CPPED1: variants seen among roughly 807,000 people sequenced by gnomAD.
CPPED1 encodes the protein serine/threonine-protein phosphatase CPPED1.
A neutral mutation model predicts 28.0 loss-of-function variants in CPPED1; 28 were observed. The observed-to-expected ratio is 1.00, with a 90% confidence interval of 0.74 to 1.37. The LOEUF (loss-of-function observed/expected upper bound fraction) is 1.37. CPPED1 is among the 40% of genes most tolerant of loss of function. The probability of loss-of-function intolerance (pLI) is 0.00; values close to 1 mark genes in which losing one functional copy is unlikely to be tolerated. For synonymous variants in CPPED1, 198 were observed against 180.2 expected (o/e 1.10, Z -0.79); for missense variants, 504 against 416.5 (o/e 1.21, Z -1.83).
intron 2 of CPPED1, among the ~76,000 whole-genome samples, chr16:12,762,216 A>G (rs2080413918): frequency 6.6e-6 from 1 of 152,232 alleles, no homozygotes; most frequent in African/African-American, 2.4e-5. Context: ...TCCACATTAA[A>G]AATACTCTCT....
chr16:12,789,268 A>G (rs186209294), intron 1 of CPPED1, among the ~76,000 whole-genome samples: 1 of 152,286 alleles, frequency 6.6e-6, no homozygotes, highest in Admixed American at 6.5e-5. Flanking sequence ...GGCATCTGCA[A>G]TGACAAACCC....
At chr16:12,752,607 A>G (rs1189443624) in intron 2 of CPPED1, among the ~76,000 whole-genome samples, 1 of 147,598 alleles carries the variant, frequency 6.8e-6, no homozygotes, top group Admixed American at 6.8e-5. Flanking sequence ...AAATTTATAT[A>G]TATAGTATAT....
chr16:12,738,016 C>T (rs767943485), intron 2 of CPPED1, among the ~76,000 whole-genome samples: 20 of 152,294 alleles, frequency 1.3e-4, no homozygotes, highest in Non-Finnish European at 2.4e-4. Flanking sequence ...GTGGTTAACA[C>T]GGTACCCGAC....
At chr16:12,692,671 G>A (rs928106159) in intron 3 of CPPED1, among the ~76,000 whole-genome samples, 2 of 152,182 alleles carry the variant, frequency 1.3e-5, no homozygotes, top group South Asian at 2.1e-4. Flanking sequence ...GGGAGCAGCC[G>A]CTGACAATAA....
intron 2 of CPPED1, among the ~76,000 whole-genome samples, chr16:12,766,944 G>C (rs2080443240): frequency 6.6e-6 from 1 of 151,946 alleles, no homozygotes; most frequent in Non-Finnish European, 1.5e-5. Context: ...GGTGGGAGCA[G>C]AACACAAGAG....
In CPPED1 at chr16:12,664,658, T is replaced by G; in HGVS notation, c.*228A>C. 1.5e-6 allele frequency: 2 copies of G among 1,366,764 alleles called. No individual in the cohort carries two copies. The highest frequency in any genetic ancestry group is 1.9e-6 in the Non-Finnish European group (2 of 1,068,542). The allele number at this position is 1,366,764 out of a possible 1,614,324, so 84.7% of individuals were successfully genotyped here. A position where few individuals can be genotyped will look rare whatever the true frequency, so the allele number is the denominator to read the frequency against. ...ATCCATGCAGAGATAGTCTAATATT[T>G]TAAAAACTGATTTCCAGGATCATTC... On this transcript the variant is annotated 3_prime_UTR_variant, in exon 4 of 4. Coordinates refer to ENST00000381774, the MANE Select transcript of CPPED1 (RefSeq NM_018340.3). This position sits in a 1 kb window ranked among gnomAD's most constrained non-coding sequence, Gnocchi z 4.2.
At chr16:12,710,551 G>A (rs2080074817) in intron 2 of CPPED1, among the ~76,000 whole-genome samples, 2 of 151,522 alleles carry the variant, frequency 1.3e-5, no homozygotes, top group South Asian at 4.2e-4. Flanking sequence ...AGAAAAAAGT[G>A]CAAACCACAG....
chr16:12,691,450 G>A (rs1293188622), intron 3 of CPPED1, among the ~76,000 whole-genome samples: 6 of 152,018 alleles, frequency 3.9e-5, no homozygotes, highest in African/African-American at 9.7e-5. Context: ...TGACCCAGCC[G>A]TCCCATTACT....
chr16:12,661,365 C>T lies in CPPED1; in HGVS notation c.*3521G>A, dbSNP rs557705356. On this transcript the variant is annotated 3_prime_UTR_variant, in exon 4 of 4. Transcript: ENST00000381774. The stretch of plus-strand genomic sequence containing the variant: ...CTGAAAATCACAAAATAGGATAAAA[C>T]GTTCTGTTGCTAGTCCCATAAAGCT... 6.6e-6 allele frequency: 1 copy of T among 152,228 alleles called. No individual in the cohort carries two copies. Among genetic ancestry groups the T allele is most frequent in the South Asian group, 2.1e-4 (1 of 4,826 alleles). The allele number at this position is 152,228 out of a possible 1,614,324, so 9.4% of individuals were successfully genotyped here.
At chr16:12,776,560 T>G (rs1410895064) in intron 2 of CPPED1, among the ~76,000 whole-genome samples, 1 of 152,098 alleles carries the variant, frequency 6.6e-6, no homozygotes, top group African/African-American at 2.4e-5. Flanking sequence ...TCTCACGAGA[T>G]CTGATGGTTT....
chr16:12,725,203 C>T (rs543342056), intron 2 of CPPED1, among the ~76,000 whole-genome samples: 7 of 152,266 alleles, frequency 4.6e-5, no homozygotes, highest in Admixed American at 1.3e-4. Flanking sequence ...AAGTGATTCT[C>T]GTGCCTCAGC....
chr16:12,802,624 A>G (rs1195813249), intron 1 of CPPED1, among the ~76,000 whole-genome samples: 1 of 152,220 alleles, frequency 6.6e-6, no homozygotes, highest in Non-Finnish European at 1.5e-5. Flanking sequence ...AGGTTTTACC[A>G]TAGAATTACC....
intron 3 of CPPED1, among the ~76,000 whole-genome samples, chr16:12,694,118 A>C (rs973732812): frequency 2.0e-5 from 3 of 152,150 alleles, no homozygotes; most frequent in Admixed American, 6.5e-5. Flanking sequence ...AGGCAGGAGA[A>C]TCACTTGAAC....
intron 2 of CPPED1, among the ~76,000 whole-genome samples, chr16:12,744,294 G>GCAAGGA (rs199563639): frequency 1.3e-5 from 1 of 76,366 alleles, no homozygotes; most frequent in African/African-American, 3.8e-5. Context: ...GAGAGAGAGA[G>GCAAGGA]AGAAAGCAAG....
In CPPED1 at chr16:12,717,333, G is replaced by C. The variant is rs954826681; in HGVS notation, c.290-12284C>G. Among the ~76,000 whole-genome samples the C allele has an allele frequency of 2.0e-5, 3 of 152,188 alleles. No individual in the cohort carries two copies. The East Asian group carries it at 5.8e-4, about 29-fold the overall frequency. On this transcript the variant is annotated intron_variant, in intron 2 of 3. Transcript: ENST00000381774. ...GGCTGGAGTGCAGCGGCGCCATCTC[G>C]GCTCACTGCAAGCTGCGCCTCCCAG...
chr16:12,693,448 G>A (rs773370321), intron 3 of CPPED1, among the ~76,000 whole-genome samples: 1 of 151,942 alleles, frequency 6.6e-6, no homozygotes, highest in African/African-American at 2.4e-5. Context: ...CGCCCACCTC[G>A]GCTTCCTAAA....
At chr16:12,785,845 G>A (rs1396817799) in intron 1 of CPPED1, among the ~76,000 whole-genome samples, 3 of 151,914 alleles carry the variant, frequency 2.0e-5, no homozygotes, top group Non-Finnish European at 4.4e-5. Context: ...CCCTCTGGAA[G>A]CACTCTTTTA....
At chr16:12,729,061 T>A (rs75213770) in intron 2 of CPPED1, among the ~76,000 whole-genome samples, 2,621 of 152,202 alleles carry the variant, frequency 0.017, 73 homozygotes, top group African/African-American at 0.061. Context: ...CTCCTTGCAA[T>A]TTCTGATCTG....
At chr16:12,705,786 C>T (rs975896891) in intron 2 of CPPED1, among the ~76,000 whole-genome samples, 4 of 152,218 alleles carry the variant, frequency 2.6e-5, no homozygotes, top group African/African-American at 4.8e-5. Context: ...GGATTACAGG[C>T]GTAAGCCACC....
Sources: gnomAD v4.1 joint callset for allele counts (sites outside exome capture counted in the v4.1 genomes callset) on GRCh38, gnomAD v4.1.1 for gene constraint, Gnocchi (gnomAD v3.1) non-coding constraint, MANE v1.5 for transcripts, NCBI Gene and HGNC (gene_info 2026-07-23, HGNC 2026-07-21) for gene names.